ZNF232: variants seen among roughly 807,000 people sequenced by gnomAD.
The protein encoded by ZNF232 is zinc finger protein 232.
Under a neutral mutation model 25.2 loss-of-function variants are expected in ZNF232, and 25 were observed. That is an observed-to-expected ratio of 0.99 (90% CI 0.72 to 1.39). The LOEUF (loss-of-function observed/expected upper bound fraction) is 1.39, where lower values mean the gene tolerates loss of function less well. ZNF232 is among the 40% of genes most tolerant of loss of function. The pLI is 0.00. For synonymous variants in ZNF232, 193 were observed against 182.9 expected (o/e 1.06, Z -0.45); for missense variants, 519 against 520.9 (o/e 1.00, Z 0.04).
At chr17:5,106,461 G>T in exon 4 of ZNF232, 1 of 1,614,212 alleles carries the variant, frequency 6.2e-7, no homozygotes, top group Non-Finnish European at 8.5e-7. Flanking sequence ...GGGTGGTTGT[G>T]GCAATGATCC....
Position 5,105,936 on chromosome 17 carries a change from A to G in ZNF232, c.1196T>C (p.Ile399Thr), listed in dbSNP as rs771451316. The change falls in exon 4 of 4, where the codon ATT becomes ACT. Residue 399 changes from isoleucine to threonine, a missense_variant. Coordinates refer to ENST00000575898, the Ensembl canonical transcript of ZNF232. ...TATAAAAGGTTTCTCTCCACTGTGA[A>G]TTCTCCGATGCTGACTTAGATATGA... 3.1e-6 allele frequency: 5 copies of G among 1,614,090 alleles called. No individual in the cohort carries two copies. In the African/African-American group the frequency reaches 6.7e-5, roughly 22 times the overall value.
intron 3 of ZNF232, among the ~76,000 whole-genome samples, chr17:5,108,314 AGAG>A (rs913020900): frequency 3.3e-5 from 5 of 152,162 alleles, no homozygotes; most frequent in African/African-American, 9.6e-5. Context: ...CCGCTGGGAG[AGAG>A]GAGAGGTTGT....
At chr17:5,108,732 T>C (rs1282880326) in intron 3 of ZNF232, 194 bp downstream of exon 3, 3 of 731,764 alleles carry the variant, frequency 4.1e-6, no homozygotes, top group Non-Finnish European at 6.3e-6. Flanking sequence ...TCTTATGAGG[T>C]AGTTTATTCT....
At chr17:5,118,487 C>T (rs533314808) in intron 1 of ZNF232, among the ~76,000 whole-genome samples, 1 of 152,376 alleles carries the variant, frequency 6.6e-6, no homozygotes, top group African/African-American at 2.4e-5. Flanking sequence ...CCCAAATCCC[C>T]AGAGGGAGTG....
chr17:5,109,522 G>C, exon 2 of ZNF232: 1 of 1,614,212 alleles, frequency 6.2e-7, no homozygotes, highest in Non-Finnish European at 8.5e-7. Flanking sequence ...AATTGTTCCA[G>C]CACCAGGAAC....
upstream of ZNF232, chr17:5,112,098 G>T (rs150044010): frequency 8.1e-5 from 45 of 558,932 alleles, no homozygotes; most frequent in Non-Finnish European, 1.1e-4. Flanking sequence ...CAGTCCTTGC[G>T]CAGGTGGAGA....
chr17:5,120,343 TG>T (rs1168323181), intron 1 of ZNF232, among the ~76,000 whole-genome samples: 4 of 151,782 alleles, frequency 2.6e-5, no homozygotes, highest in Non-Finnish European at 5.9e-5. Flanking sequence ...TCCACTGTGC[TG>T]GGGGGTTGTT....
chr17:5,122,946 A>G (rs1283860746), intron 1 of ZNF232: 2 of 152,242 alleles, frequency 1.3e-5, no homozygotes, highest in African/African-American at 4.8e-5. Context: ...GAGCCAGTGG[A>G]GGGGGCGAAG....
At chr17:5,109,353 A>G (rs573151519) in intron 2 of ZNF232, 41 bp downstream of exon 2, 2 of 1,611,072 alleles carry the variant, frequency 1.2e-6, no homozygotes, top group Admixed American at 3.3e-5. Flanking sequence ...CCTGAAGGTC[A>G]TCAATCTGGC....
At chr17:5,112,007 A>C (rs1408909045), upstream of ZNF232, 1 of 872,704 alleles carries the variant, frequency 1.1e-6, no homozygotes, top group African/African-American at 1.7e-5. Context: ...CGGTTCCTGG[A>C]CTTGAGCGGA....
chr17:5,122,871 G>A (rs2072737020), intron 1 of ZNF232: 2 of 152,334 alleles, frequency 1.3e-5, no homozygotes, highest in Non-Finnish European at 2.9e-5. Context: ...GTTATGCCAA[G>A]GAAGAACGCG....
intron 1 of ZNF232, among the ~76,000 whole-genome samples, chr17:5,120,164 G>C (rs1394950221): frequency 6.6e-6 from 1 of 152,166 alleles, no homozygotes; most frequent in African/African-American, 2.4e-5. Context: ...CTTTGAGGCT[G>C]GTTATACATT....
chr17:5,109,245 G>T lies in ZNF232; in HGVS notation c.498+149C>A, dbSNP rs140203696. ...TCTCTTTCTCATTCAGGGCTCGAGG[G>T]CAGAAAAGACAGACACAGAAACACA... On this transcript the variant is annotated intron_variant, in intron 2 of 3. Coordinates refer to ENST00000575898, the Ensembl canonical transcript of ZNF232. 658 of 1,251,420 alleles carry T rather than the reference G, an allele frequency of 5.3e-4. 6 individuals carry two copies. In the East Asian group the frequency reaches 0.012, roughly 24 times the overall value. 77.5% of individuals were successfully genotyped at this position (1,251,420 alleles called of 1,614,324 possible).
chr17:5,121,308 C>A (rs1597954836), intron 1 of ZNF232: 1 of 350,918 alleles, frequency 2.8e-6, no homozygotes, highest in East Asian at 7.5e-5. Context: ...ATATGGTTCT[C>A]AGCCCCTTTC....
chr17:5,109,432 GCA>G lies in ZNF232; in HGVS notation c.458_459del (p.Val153AlafsTer9), dbSNP rs1363429873. The G allele has an allele frequency of 5.6e-6, 9 of 1,613,792 alleles. No individual in the cohort carries two copies. Among genetic ancestry groups the G allele is most frequent in the Non-Finnish European group, 6.8e-6 (8 of 1,179,910 alleles). On this transcript the variant is annotated frameshift_variant, in exon 2 of 4. Transcript: ENST00000575898. LOFTEE classifies it high-confidence loss of function. ...TCAAGTCCTTTCTCTAAATCCTCCA[GCA>G]CAGTCACAGCCTCCTCTCCACTCTT...
exon 4 of ZNF232, chr17:5,105,851 A>T: frequency 6.2e-7 from 1 of 1,603,558 alleles, no homozygotes; most frequent in East Asian, 2.2e-5. Context: ...TTCTGGCATG[A>T]ACTCTCCGAT....
chr17:5,106,960 G>A (rs534947185), intron 3 of ZNF232, among the ~76,000 whole-genome samples: 8 of 152,068 alleles, frequency 5.3e-5, no homozygotes, highest in East Asian at 1.9e-4. Context: ...CTTCCCATCC[G>A]TTTCCCAGCT....
intron 1 of ZNF232, among the ~76,000 whole-genome samples, chr17:5,118,899 G>T (rs1356086017): frequency 6.6e-6 from 1 of 152,192 alleles, no homozygotes; most frequent in Non-Finnish European, 1.5e-5. Context: ...GCAGCCATAG[G>T]TATTTTTGGA....
chr17:5,109,919 T>C, intron 1 of ZNF232, 51 bp from the exon 2 acceptor site: 3 of 1,501,628 alleles, frequency 2.0e-6, no homozygotes, highest in South Asian at 2.7e-5. Flanking sequence ...AGACAGAGTC[T>C]TTCTCTGTTA....
Sources: allele counts gnomAD v4.1 joint callset (sites outside exome capture counted in the v4.1 genomes callset), GRCh38; gene constraint gnomAD v4.1.1; transcripts MANE v1.5; gene names NCBI Gene and HGNC (gene_info 2026-07-23, HGNC 2026-07-21).